Variants in LCMT1 observed in about 807,000 individuals in gnomAD.
The protein encoded by LCMT1 is leucine carboxyl methyltransferase 1.
In LCMT1, 32 loss-of-function variants were observed where a neutral mutation model predicts 47.7. That is an observed-to-expected ratio of 0.67 (90% confidence interval 0.51 to 0.90). The LOEUF is 0.90. Among genes scored for constraint, LCMT1 ranks in the 40% least tolerant of loss-of-function variants. LCMT1 has a pLI of 0.00. For synonymous variants in LCMT1, 152 were observed against 149.7 expected, an observed-to-expected ratio of 1.02 and a Z score of -0.11; for missense variants, 375 against 415.2, an observed-to-expected ratio of 0.90 and a Z score of 0.84.
chr16:25,126,101 C>T (rs753040013), intron 1 of LCMT1: 8 of 1,351,634 alleles, frequency 5.9e-6, no homozygotes, highest in East Asian at 4.5e-5. Context: ...CTGTTGCAGT[C>T]ACCTGGGTTT....
At chr16:25,122,305 TGA>T (rs1567307426) in intron 1 of LCMT1, among the ~76,000 whole-genome samples, 2 of 151,934 alleles carry the variant, frequency 1.3e-5, no homozygotes, top group African/African-American at 4.8e-5. Context: ...CTCCTGATGA[TGA>T]TGATGATGAT....
At chr16:25,115,711 G>A (rs780072961) in intron 1 of LCMT1, among the ~76,000 whole-genome samples, 1 of 152,144 alleles carries the variant, frequency 6.6e-6, no homozygotes, top group Non-Finnish European at 1.5e-5. Context: ...GAGTTTGGCT[G>A]TTGTTGCCCA....
chr16:25,148,440 G>A (rs868087431), intron 4 of LCMT1, among the ~76,000 whole-genome samples: 1 of 152,130 alleles, frequency 6.6e-6, no homozygotes, highest in African/African-American at 2.4e-5. Context: ...TTCCCAACAG[G>A]TGTGGCAAAG....
chr16:25,139,002 C>T (rs575441678), intron 3 of LCMT1, among the ~76,000 whole-genome samples: 11 of 152,026 alleles, frequency 7.2e-5, no homozygotes, highest in Admixed American at 1.3e-4. Flanking sequence ...TGCAGCAGCG[C>T]GATCTCAGCT....
intron 7 of LCMT1, among the ~76,000 whole-genome samples, chr16:25,165,856 C>G (rs1314285279): frequency 1.3e-5 from 2 of 152,122 alleles, no homozygotes; most frequent in African/African-American, 2.4e-5. Flanking sequence ...AATAATAGTC[C>G]CTACTTCATA....
chr16:25,112,291 G>A (rs1436249351), intron 1 of LCMT1, among the ~76,000 whole-genome samples: 1 of 152,234 alleles, frequency 6.6e-6, no homozygotes, highest in Non-Finnish European at 1.5e-5. Context: ...CTGCTGGAAA[G>A]ACAGACATGA....
chr16:25,166,689 C>T (rs984329578), intron 7 of LCMT1, among the ~76,000 whole-genome samples: 1 of 152,150 alleles, frequency 6.6e-6, no homozygotes, highest in Non-Finnish European at 1.5e-5. Context: ...GGGACTTGCC[C>T]AGTGTCACGT....
In LCMT1 at chr16:25,119,714, G is replaced by A. The variant is rs149312527; in HGVS notation, c.113+7718G>A. Among the ~76,000 whole-genome samples the A allele has an allele frequency of 5.2e-3, 787 of 152,142 alleles. 11 individuals carry two copies. The highest frequency in any genetic ancestry group is 0.018 in the African/African-American group (731 of 41,490). Reference sequence around the variant, plus strand: ...TCACGGCTTAGCCCAGGGCCTTTCCGGCATCCTGATGACATCTTCTTAGCT... The same window carrying A: ...TCACGGCTTAGCCCAGGGCCTTTCCAGCATCCTGATGACATCTTCTTAGCT... On this transcript the variant is annotated intron_variant, in intron 1 of 10. Coordinates refer to ENST00000399069, the MANE Select transcript of LCMT1 (RefSeq NM_016309.3).
At chr16:25,123,095 A>C (rs977948826) in intron 1 of LCMT1, among the ~76,000 whole-genome samples, 1 of 151,976 alleles carries the variant, frequency 6.6e-6, no homozygotes, top group South Asian at 2.1e-4. Flanking sequence ...TGGCCTGTTC[A>C]TCTGTCTTTT....
chr16:25,162,119 G>T (rs770414455), intron 6 of LCMT1, among the ~76,000 whole-genome samples: 2 of 152,140 alleles, frequency 1.3e-5, no homozygotes, highest in African/African-American at 4.8e-5. Flanking sequence ...TTCCACTTTC[G>T]TGGGTGTCTC....
In LCMT1 at chr16:25,151,560, G is replaced by A. The variant is rs1567321237; in HGVS notation, c.411G>A (p.Lys137=). 3.7e-6 allele frequency: 6 copies of A among 1,612,966 alleles called. No homozygotes were observed. The East Asian group carries it at 1.3e-4, about 36-fold the overall frequency. Residue 137 remains lysine, a synonymous_variant, in exon 5 of 11, where the codon AAG becomes AAA. Coordinates refer to ENST00000399069, the MANE Select transcript of LCMT1 (RefSeq NM_016309.3). ...VTRKLHSIKC[K]PPLSSPILEL... The stretch of plus-strand genomic sequence containing the variant: ...CTTTCCCATCTTCCCATAGATGCAA[G>A]CCTCCCCTATCCAGCCCCATTCTAG...
chr16:25,151,590 G>T lies in LCMT1; in HGVS notation c.441G>T (p.Leu147=). 1 of 1,613,442 alleles carries T rather than the reference G, an allele frequency of 6.2e-7. No homozygotes were observed. The highest frequency in any genetic ancestry group is 8.5e-7 in the Non-Finnish European group (1 of 1,179,630). The change falls in exon 5 of 11, where the codon CTG becomes CTT. Residue 147 remains leucine (L), a synonymous_variant. Coordinates refer to ENST00000399069, the MANE Select transcript of LCMT1 (RefSeq NM_016309.3). ...KPPLSSPILE[L]HSEDTLQMDG... is the part of the protein sequence containing the mutation. ...CCCTATCCAGCCCCATTCTAGAACT[G>T]CATTCAGAGGACACACTTCAGATGG...
At chr16:25,148,209 A>G (rs1024620321) in intron 4 of LCMT1, 1 of 152,480 alleles carries the variant, frequency 6.6e-6, no homozygotes, top group Middle Eastern at 3.4e-3. Context: ...CTTCAGCCTT[A>G]CAGCAGGTCC....
At chr16:25,134,705 A>G (rs1035662304) in intron 3 of LCMT1, among the ~76,000 whole-genome samples, 1 of 152,174 alleles carries the variant, frequency 6.6e-6, no homozygotes, top group African/African-American at 2.4e-5. Context: ...GGTTGAAGCA[A>G]TTCTCCTGTC....
intron 1 of LCMT1, among the ~76,000 whole-genome samples, chr16:25,117,118 T>G (rs777011837): frequency 6.6e-6 from 1 of 152,162 alleles, no homozygotes; most frequent in Admixed American, 6.5e-5. Context: ...AGAACTGATA[T>G]GATCTTGGTT....
intron 5 of LCMT1, among the ~76,000 whole-genome samples, chr16:25,154,883 A>G (rs1181500183): frequency 2.0e-5 from 3 of 152,070 alleles, no homozygotes; most frequent in African/African-American, 7.2e-5. Context: ...CTCATCGGTG[A>G]ATTTTTTACT....
Position 25,178,060 on chromosome 16 carries a change from C to T in LCMT1, c.*37C>T. 1 of 1,611,284 alleles carries T rather than the reference C, an allele frequency of 6.2e-7. No individual in the cohort carries two copies. ...CTTATGCCGAGCCAGAAGCCGAAGCCACTTGCCCTCCTGGAGGAGACCTGC... is the reference window on the plus strand; with the variant it reads ...CTTATGCCGAGCCAGAAGCCGAAGCTACTTGCCCTCCTGGAGGAGACCTGC... On this transcript the variant is annotated 3_prime_UTR_variant, in exon 11 of 11. Coordinates refer to ENST00000399069, the MANE Select transcript of LCMT1 (RefSeq NM_016309.3).
chr16:25,134,323 C>T (rs901094299), intron 3 of LCMT1, among the ~76,000 whole-genome samples: 4 of 152,310 alleles, frequency 2.6e-5, no homozygotes, highest in African/African-American at 7.2e-5. Context: ...ATTCTCTTCT[C>T]AAGATATAAT....
At chr16:25,130,431 C>G (rs1960316985) in intron 2 of LCMT1, among the ~76,000 whole-genome samples, 1 of 151,932 alleles carries the variant, frequency 6.6e-6, no homozygotes, top group South Asian at 2.1e-4. Context: ...GCAGGTTGAT[C>G]ACTTGAGCTC....
Sources: gnomAD v4.1 joint callset for allele counts (sites outside exome capture counted in the v4.1 genomes callset) on GRCh38, gnomAD v4.1.1 for gene constraint, MANE v1.5 for transcripts, NCBI Gene and HGNC (gene_info 2026-07-23, HGNC 2026-07-21) for gene names.